The following CAMTA1 variants were observed in gnomAD, a reference collection of about 807,000 sequenced individuals.
The protein encoded by CAMTA1 is calmodulin-binding transcription activator 1.
CAMTA1 carries 27 observed loss-of-function variants against 170.9 expected under a neutral mutation model. The observed-to-expected ratio is 0.16, with a 90% CI of 0.12 to 0.22. CAMTA1 has a LOEUF of 0.22. Among genes scored for constraint, CAMTA1 ranks in the 10% least tolerant of loss-of-function variants. The pLI, the probability that CAMTA1 is intolerant of heterozygous loss-of-function variation, is 1.00. For synonymous variants in CAMTA1, 833 were observed against 891.5 expected (o/e 0.93, Z 1.17); for missense variants, 1,619 against 2,217.2 (o/e 0.73, Z 5.42).
chr1:7,509,836 T>G (rs907364178), intron 6 of CAMTA1, among the ~76,000 whole-genome samples: 1 of 151,938 alleles, frequency 6.6e-6, no homozygotes, highest in African/African-American at 2.4e-5. Flanking sequence ...GGCCTCCCCT[T>G]GCCAGCCAGG....
chr1:7,549,416 T>C (rs1257833967), intron 6 of CAMTA1, among the ~76,000 whole-genome samples: 2 of 152,216 alleles, frequency 1.3e-5, no homozygotes, highest in South Asian at 2.1e-4. Flanking sequence ...ACAGAACCCC[T>C]TGGCCACCTC....
intron 3 of CAMTA1, among the ~76,000 whole-genome samples, chr1:6,899,554 G>GCCCACA (rs1306510241): frequency 1.4e-5 from 2 of 141,086 alleles, no homozygotes; most frequent in Non-Finnish European, 3.1e-5. Flanking sequence ...ACGCGCGCGC[G>GCCCACA]CACACACACA....
chr1:7,688,011 C>CTTTTTT lies in CAMTA1; in HGVS notation c.2914+10290_2914+10295dup, dbSNP rs70987364. ...CGATTACGTCGGACTCTCATTATTC[C>CTTTTTT]TTTTTTTTTTTTTTTTTGGCAGAGT... is the stretch of plus-strand genomic sequence containing the variant. On this transcript the variant is annotated intron_variant, in intron 11 of 22. Transcript: ENST00000303635. Among the ~76,000 whole-genome samples the CTTTTTT allele has an allele frequency of 1.7e-3, 176 of 103,268 alleles. 7 individuals carry two copies. The highest frequency in any genetic ancestry group is 2.5e-3 in the Non-Finnish European group (128 of 52,242). The allele number at this position is 103,268 out of a possible 152,430, so 67.7% of individuals were successfully genotyped here. A position where few individuals can be genotyped will look rare whatever the true frequency, so the allele number is the denominator to read the frequency against.
chr1:6,963,198 C>T (rs564044289), intron 3 of CAMTA1, among the ~76,000 whole-genome samples: 2 of 149,424 alleles, frequency 1.3e-5, no homozygotes, highest in Non-Finnish European at 3.0e-5. Context: ...TCCTCCTCAC[C>T]CGCCCCGCCC....
intron 11 of CAMTA1, among the ~76,000 whole-genome samples, chr1:7,705,414 G>A (rs372319806): frequency 6.6e-6 from 1 of 151,346 alleles, no homozygotes; most frequent in Admixed American, 6.6e-5. Flanking sequence ...TGAGCCACGC[G>A]TGTCTGGGTG....
intron 6 of CAMTA1, among the ~76,000 whole-genome samples, chr1:7,556,128 A>T (rs1215181055): frequency 6.6e-6 from 1 of 152,176 alleles, no homozygotes; most frequent in Admixed American, 6.5e-5. Flanking sequence ...AGACGGGGTG[A>T]GCAGGCTTTG....
intron 3 of CAMTA1, among the ~76,000 whole-genome samples, chr1:6,899,618 G>T (rs763599293): frequency 6.7e-6 from 1 of 149,964 alleles, no homozygotes; most frequent in East Asian, 2.0e-4. Context: ...TCATAATAAA[G>T]TTGTACCTGA....
chr1:7,078,672 A>G (rs1639630129), intron 3 of CAMTA1, among the ~76,000 whole-genome samples: 1 of 152,262 alleles, frequency 6.6e-6, no homozygotes, highest in Non-Finnish European at 1.5e-5. Context: ...CTTGCTACAA[A>G]CAATGATAAA....
intron 3 of CAMTA1, among the ~76,000 whole-genome samples, chr1:7,061,908 G>A (rs573377084): frequency 6.6e-6 from 1 of 152,160 alleles, no homozygotes; most frequent in East Asian, 1.9e-4. Context: ...GGTGTATGAG[G>A]TCCTATTATA....
chr1:7,298,967 A>G (rs1327053157), intron 5 of CAMTA1, among the ~76,000 whole-genome samples: 4 of 152,162 alleles, frequency 2.6e-5, no homozygotes, highest in Admixed American at 2.6e-4. Context: ...TTCCTTTTGT[A>G]GCAATGAGCT....
chr1:7,192,170 G>A (rs1019923990), intron 4 of CAMTA1, among the ~76,000 whole-genome samples: 1 of 152,212 alleles, frequency 6.6e-6, no homozygotes, highest in Non-Finnish European at 1.5e-5. Flanking sequence ...TCTTCTGGTT[G>A]GGACTCCAGG....
At chr1:7,199,154 A>C (rs1656149840) in intron 4 of CAMTA1, among the ~76,000 whole-genome samples, 1 of 85,430 alleles carries the variant, frequency 1.2e-5, no homozygotes, top group African/African-American at 6.0e-5. Context: ...TTGTTTACTG[A>C]TGCCCCCCCC....
At chr1:7,520,719 C>T (rs2094354554) in intron 6 of CAMTA1, among the ~76,000 whole-genome samples, 1 of 152,152 alleles carries the variant, frequency 6.6e-6, no homozygotes, top group Admixed American at 6.5e-5. Context: ...CCCCAGGCTC[C>T]TACGCCAAGG....
chr1:7,582,150 G>A (rs1557953279), intron 6 of CAMTA1, among the ~76,000 whole-genome samples: 1 of 152,166 alleles, frequency 6.6e-6, no homozygotes, highest in African/African-American at 2.4e-5. Flanking sequence ...TGTGCTCCAG[G>A]AGGCTGTCCC....
chr1:7,402,737 G>A (rs1163027810), intron 5 of CAMTA1, among the ~76,000 whole-genome samples: 1 of 152,196 alleles, frequency 6.6e-6, no homozygotes, highest in African/African-American at 2.4e-5. Context: ...GTGGTGAGCA[G>A]AAGCTGGTGG....
At chr1:7,151,187 C>T (rs769632231) in intron 4 of CAMTA1, among the ~76,000 whole-genome samples, 3 of 152,208 alleles carry the variant, frequency 2.0e-5, no homozygotes, top group Non-Finnish European at 4.4e-5. Context: ...CCAGCGCTGG[C>T]GTTCGCGCCT....
intron 4 of CAMTA1, among the ~76,000 whole-genome samples, chr1:7,095,804 C>T (rs1484128891): frequency 6.6e-6 from 1 of 152,246 alleles, no homozygotes; most frequent in African/African-American, 2.4e-5. Context: ...CACACCACTG[C>T]AGGGGAGCAG....
chr1:7,421,620 C>T (rs575772171), intron 5 of CAMTA1, among the ~76,000 whole-genome samples: 2 of 152,208 alleles, frequency 1.3e-5, no homozygotes, highest in Non-Finnish European at 2.9e-5. Flanking sequence ...CGGCCTCCCC[C>T]TCTTGGGCTG....
At chr1:7,369,427 G>T (rs2086263419) in intron 5 of CAMTA1, among the ~76,000 whole-genome samples, 1 of 152,146 alleles carries the variant, frequency 6.6e-6, no homozygotes, top group South Asian at 2.1e-4. Context: ...CCACTCTGTG[G>T]TTCCATAATT....
Sources: gnomAD v4.1 joint callset for allele counts (sites outside exome capture counted in the v4.1 genomes callset) on GRCh38, gnomAD v4.1.1 for gene constraint, MANE v1.5 for transcripts, NCBI Gene and HGNC (gene_info 2026-07-23, HGNC 2026-07-21) for gene names.